The following ASCC3 variants were observed in gnomAD, a reference collection of about 807,000 sequenced individuals.
ASCC3 encodes ASC-1 complex subunit P200.
In ASCC3, 158 loss-of-function variants were observed where a neutral mutation model predicts 256.3. The ratio of observed to expected loss-of-function variants is 0.62; its 90% CI spans 0.54 to 0.70. The LOEUF (loss-of-function observed/expected upper bound fraction) is 0.70, where lower values mean the gene tolerates loss of function less well. ASCC3 is among the 30% of genes least tolerant of loss of function. The pLI is 0.00. For synonymous variants in ASCC3, 948 were observed against 883.4 expected (o/e 1.07, Z -1.30); for missense variants, 2,259 against 2,626.0 (o/e 0.86, Z 3.05).
intron 13 of ASCC3, among the ~76,000 whole-genome samples, chr6:100,689,335 GGTAATT>G (rs1477897654): frequency 1.3e-5 from 2 of 152,144 alleles, no homozygotes; most frequent in Non-Finnish European, 2.9e-5. Flanking sequence ...TAGCGAGGTA[GGTAATT>G]GTATTAGTAT....
chr6:100,786,175 G>T (rs868847101), intron 8 of ASCC3, among the ~76,000 whole-genome samples: 12 of 152,186 alleles, frequency 7.9e-5, no homozygotes, highest in South Asian at 2.1e-4. Flanking sequence ...GTACATCTGG[G>T]TTTTCACCAG....
chr6:100,602,305 T>A (rs1287181175), intron 33 of ASCC3, among the ~76,000 whole-genome samples: 2 of 152,048 alleles, frequency 1.3e-5, no homozygotes, highest in Non-Finnish European at 2.9e-5. Context: ...AAAGTACTAT[T>A]ATAATAATAT....
intron 36 of ASCC3, among the ~76,000 whole-genome samples, chr6:100,555,537 C>G (rs936577091): frequency 6.6e-6 from 1 of 152,052 alleles, no homozygotes; most frequent in Non-Finnish European, 1.5e-5. Flanking sequence ...TAGTGGGTAC[C>G]AGCAGGTCTG....
intron 37 of ASCC3, among the ~76,000 whole-genome samples, chr6:100,526,877 C>A (rs1051952483): frequency 6.6e-6 from 1 of 152,158 alleles, no homozygotes. Flanking sequence ...TCACCTTCAT[C>A]TCTATGAATT....
intron 22 of ASCC3, among the ~76,000 whole-genome samples, chr6:100,645,531 T>C (rs910519489): frequency 2.0e-5 from 3 of 152,094 alleles, no homozygotes; most frequent in Non-Finnish European, 2.9e-5. Flanking sequence ...AAGATACTTA[T>C]TTAATTAGAA....
chr6:100,680,683 T>C (rs1414987319), intron 13 of ASCC3, among the ~76,000 whole-genome samples: 2 of 152,162 alleles, frequency 1.3e-5, no homozygotes, highest in Non-Finnish European at 2.9e-5. Context: ...TAAAGACAAG[T>C]TCCCCTAGCC....
chr6:100,768,095 C>T (rs953430398), intron 8 of ASCC3, among the ~76,000 whole-genome samples: 1 of 151,922 alleles, frequency 6.6e-6, no homozygotes, highest in East Asian at 1.9e-4. Context: ...GTAAATTAAT[C>T]GCAAATTCTA....
chr6:100,637,880 A>G (rs1396167273), intron 25 of ASCC3, among the ~76,000 whole-genome samples: 1 of 152,166 alleles, frequency 6.6e-6, no homozygotes, highest in African/African-American at 2.4e-5. Context: ...TGAGCAAAGA[A>G]AAGGTGTTTC....
intron 3 of ASCC3, chr6:100,857,452 A>G (rs1053228595): frequency 1.3e-5 from 2 of 152,062 alleles, no homozygotes; most frequent in Admixed American, 1.3e-4. Context: ...ATTTTCGCAC[A>G]TACAAAGATC....
intron 4 of ASCC3, among the ~76,000 whole-genome samples, chr6:100,844,002 T>C (rs1386717484): frequency 6.6e-6 from 1 of 151,400 alleles, no homozygotes; most frequent in Non-Finnish European, 1.5e-5. Context: ...GAAGCAAATA[T>C]TTCACAAATT....
At chr6:100,580,877 C>T (rs1771198381) in intron 36 of ASCC3, among the ~76,000 whole-genome samples, 3 of 152,028 alleles carry the variant, frequency 2.0e-5, no homozygotes, top group East Asian at 1.9e-4. Context: ...ATGATGATTT[C>T]CAATTGCATC....
At chr6:100,812,822 C>T (rs1022495232) in intron 4 of ASCC3, among the ~76,000 whole-genome samples, 1 of 151,448 alleles carries the variant, frequency 6.6e-6, no homozygotes, top group Admixed American at 6.6e-5. Flanking sequence ...CTCAGCTACT[C>T]GGAAAGCTGA....
chr6:100,517,078 T>C (rs553017993), intron 38 of ASCC3, among the ~76,000 whole-genome samples: 5 of 152,186 alleles, frequency 3.3e-5, no homozygotes, highest in African/African-American at 1.2e-4. Context: ...GCTGCTGGTA[T>C]GGCACGCTCT....
intron 30 of ASCC3, among the ~76,000 whole-genome samples, chr6:100,622,760 A>G (rs117236666): frequency 0.015 from 2,331 of 152,078 alleles, 23 homozygotes; most frequent in East Asian, 0.044. Context: ...AGAAACCACG[A>G]GAGTATATTC....
At chr6:100,561,907 GA>G (rs1419993872) in intron 36 of ASCC3, among the ~76,000 whole-genome samples, 4 of 152,094 alleles carry the variant, frequency 2.6e-5, no homozygotes, top group Non-Finnish European at 4.4e-5. Flanking sequence ...AGAAATACTT[GA>G]AAACTGAGAT....
In ASCC3 at chr6:100,651,650, C is replaced by A. The variant is rs745924776; in HGVS notation, c.2989-4G>T. The A allele has an allele frequency of 6.0e-6, 9 of 1,503,404 alleles. No homozygotes were observed. The Admixed American group carries it at 1.5e-4, about 26-fold the overall frequency. The allele number at this position is 1,503,404 out of a possible 1,614,324, so 93.1% of individuals were successfully genotyped here. ...CATCAAAGAGTTCATTAAAGGTCTA[C>A]CAAAGTAAGTGTTATATTTGATTAA... On this transcript the variant is annotated splice_polypyrimidine_tract_variant and splice_region_variant and intron_variant, in intron 18 of 41. Transcript: ENST00000369162.
intron 36 of ASCC3, among the ~76,000 whole-genome samples, chr6:100,567,543 T>TA (rs1770331639): frequency 6.6e-6 from 1 of 152,202 alleles, no homozygotes; most frequent in Admixed American, 6.6e-5. Context: ...ACCTAACAAT[T>TA]AGTTTTTCAA....
chr6:100,629,270 T>A, intron 26 of ASCC3, 89 bp from the exon 27 acceptor site: 1 of 1,224,134 alleles, frequency 8.2e-7, no homozygotes, highest in Non-Finnish European at 1.2e-6. Flanking sequence ...TAAAATAAAA[T>A]TTTATAAGGC....
intron 37 of ASCC3, among the ~76,000 whole-genome samples, chr6:100,524,994 C>T (rs901948367): frequency 8.6e-5 from 13 of 150,842 alleles, no homozygotes; most frequent in African/African-American, 3.2e-4. Flanking sequence ...GAGTTCAAGA[C>T]CAGCTTGGGA....
Sources: allele counts gnomAD v4.1 joint callset (sites outside exome capture counted in the v4.1 genomes callset), GRCh38; gene constraint gnomAD v4.1.1; transcripts MANE v1.5; gene names NCBI Gene and HGNC (gene_info 2026-07-23, HGNC 2026-07-21).